Variants in ATP8A2 observed in about 807,000 individuals in gnomAD.
The protein encoded by ATP8A2 is ATPase phospholipid transporting 8A2, also known as phospholipid-transporting ATPase IB.
ATP8A2 carries 100 observed loss-of-function variants against 165.6 expected under a neutral mutation model. The ratio of observed to expected loss-of-function variants is 0.60; its 90% CI spans 0.51 to 0.71. The LOEUF is 0.71. Ranked by LOEUF, ATP8A2 falls within the 30% of genes least tolerant of loss-of-function variation. ATP8A2 has a pLI of 0.00. For missense variants in ATP8A2, 1,227 were observed against 1,479.5 expected, an observed-to-expected ratio of 0.83 and a Z score of 2.80; for synonymous variants, 543 against 548.8, an observed-to-expected ratio of 0.99 and a Z score of 0.15.
chr13:25,832,619 A>T (rs774218451), intron 28 of ATP8A2, among the ~76,000 whole-genome samples: 7 of 152,256 alleles, frequency 4.6e-5, no homozygotes, highest in Admixed American at 1.3e-4. Flanking sequence ...AGCAGATGCT[A>T]CAAAAACGTT....
intron 33 of ATP8A2, among the ~76,000 whole-genome samples, chr13:25,910,002 C>T (rs774159290): frequency 5.9e-5 from 9 of 152,092 alleles, no homozygotes; most frequent in African/African-American, 1.7e-4. Flanking sequence ...AATAATGCTC[C>T]GTCTTGTATT....
chr13:25,850,609 G>C (rs1481515183), intron 30 of ATP8A2, among the ~76,000 whole-genome samples: 1 of 152,152 alleles, frequency 6.6e-6, no homozygotes, highest in African/African-American at 2.4e-5. Context: ...CCGGTTTGGG[G>C]TTTTGTCCCC....
intron 25 of ATP8A2, among the ~76,000 whole-genome samples, chr13:25,767,929 C>A (rs759176006): frequency 3.3e-5 from 5 of 152,112 alleles, no homozygotes; most frequent in Non-Finnish European, 5.9e-5. Flanking sequence ...TAGAGACCAT[C>A]TAGGAGCTGT....
Position 25,721,457 on chromosome 13 carries a change from A to G in ATP8A2, c.2384+22112A>G, listed in dbSNP as rs772968714. Among the ~76,000 whole-genome samples the G allele has an allele frequency of 1.9e-4, 29 of 152,132 alleles. 1 individual carries two copies. Among genetic ancestry groups the G allele is most frequent in the Non-Finnish European group, 3.5e-4 (24 of 68,018 alleles). On this transcript the variant is annotated intron_variant, in intron 25 of 36. Transcript: ENST00000381655. Reference sequence around the variant, plus strand: ...ACCAGTGTCCTGAAGCATTTCCCCAATGTTTTCTTCCAGCAGTTTCACAGT... The same window carrying G: ...ACCAGTGTCCTGAAGCATTTCCCCAGTGTTTTCTTCCAGCAGTTTCACAGT...
At chr13:25,675,984 C>A (rs1381999136) in intron 24 of ATP8A2, among the ~76,000 whole-genome samples, 1 of 152,084 alleles carries the variant, frequency 6.6e-6, no homozygotes, top group Non-Finnish European at 1.5e-5. Context: ...CCCCAAATAT[C>A]CTGACTTGAT....
At chr13:25,811,166 A>G (rs974130892) in intron 27 of ATP8A2, among the ~76,000 whole-genome samples, 1 of 152,174 alleles carries the variant, frequency 6.6e-6, no homozygotes, top group Non-Finnish European at 1.5e-5. Context: ...TATATCAGCT[A>G]TACTGAGTGG....
chr13:25,937,873 AC>A (rs1954957997), intron 33 of ATP8A2, among the ~76,000 whole-genome samples: 2 of 137,664 alleles, frequency 1.5e-5, no homozygotes, highest in African/African-American at 5.3e-5. Context: ...AAAAAAAAAG[AC>A]CAAAGACATA....
chr13:25,883,526 T>A (rs2138862199), intron 33 of ATP8A2, among the ~76,000 whole-genome samples: 1 of 152,324 alleles, frequency 6.6e-6, no homozygotes, highest in South Asian at 2.1e-4. Flanking sequence ...GGGACTGGCA[T>A]GGAATAAGCC....
chr13:25,771,674 C>G (rs78230404), intron 26 of ATP8A2, among the ~76,000 whole-genome samples: 2 of 152,276 alleles, frequency 1.3e-5, no homozygotes, highest in East Asian at 3.9e-4. Flanking sequence ...GTCACTTCTG[C>G]CAAAGGAACT....
chr13:25,683,594 G>A (rs754127052), intron 24 of ATP8A2, among the ~76,000 whole-genome samples: 12 of 152,084 alleles, frequency 7.9e-5, no homozygotes, highest in Non-Finnish European at 1.3e-4. Flanking sequence ...GGTAGGAGCC[G>A]TGCGGAATTA....
At position 25,372,929 on chromosome 13, in the gene ATP8A2, A is replaced by G. The variant is rs2032478728; in HGVS notation, c.76+641A>G. ...CACACGTACACACGCACGCGTACACATACCCTGCCTGCAGGCGCCTGGGTG... is the reference window on the plus strand; with the variant it reads ...CACACGTACACACGCACGCGTACACGTACCCTGCCTGCAGGCGCCTGGGTG... On this transcript the variant is annotated intron_variant, in intron 1 of 36. Transcript: ENST00000381655. The surrounding 1 kb of genome is among the most constrained non-coding windows in gnomAD (Gnocchi z 4.8). 6.6e-6 allele frequency among the ~76,000 whole-genome samples: 1 copy of G among 152,122 alleles called. No individual in the cohort carries two copies. The highest frequency in any genetic ancestry group is 2.1e-4 in the South Asian group (1 of 4,802).
chr13:25,879,798 C>G (rs143055129), intron 33 of ATP8A2, among the ~76,000 whole-genome samples: 1 of 152,190 alleles, frequency 6.6e-6, no homozygotes, highest in Admixed American at 6.5e-5. Flanking sequence ...AGGAAAATGT[C>G]TTTTTCATTT....
chr13:25,756,466 G>A (rs1566108005), intron 25 of ATP8A2, among the ~76,000 whole-genome samples: 1 of 151,888 alleles, frequency 6.6e-6, no homozygotes, highest in South Asian at 2.1e-4. Context: ...TCCCACCCAC[G>A]GCCCAGTTGC....
intron 1 of ATP8A2, among the ~76,000 whole-genome samples, chr13:25,404,531 TG>T (rs1744293733): frequency 6.6e-6 from 1 of 151,284 alleles, no homozygotes; most frequent in African/African-American, 2.4e-5. Flanking sequence ...GAGGAATAAG[TG>T]GGGGAACACC....
chr13:25,922,171 T>C lies in ATP8A2; in HGVS notation c.3184-39404T>C, dbSNP rs111886005. ...CTTACCCTAAAATTCTGCAGGTGGG[T>C]CCATCATCCTAATCAGTAACACGCA... On this transcript the variant is annotated intron_variant, in intron 33 of 36. Coordinates refer to ENST00000381655, the MANE Select transcript of ATP8A2 (RefSeq NM_016529.6). Among the ~76,000 whole-genome samples, 1,393 of 152,302 alleles carry C rather than the reference T, an allele frequency of 9.1e-3. 22 individuals carry two copies. Among genetic ancestry groups the C allele is most frequent in the African/African-American group, 0.031 (1,303 of 41,552 alleles).
intron 1 of ATP8A2, among the ~76,000 whole-genome samples, chr13:25,399,944 C>G (rs1566105438): frequency 1.5e-4 from 1 of 6,804 alleles, no homozygotes; most frequent in East Asian, 0.023. Flanking sequence ...TTCTCTTTCT[C>G]CTTTTTCCTT....
chr13:25,642,727 GATTATAAATCCTGCTGCT>G (rs2041561758), intron 24 of ATP8A2, among the ~76,000 whole-genome samples: 1 of 152,172 alleles, frequency 6.6e-6, no homozygotes, highest in African/African-American at 2.4e-5. Context: ...ATACCCAAAG[GATTATAAATCCTGCTGCT>G]ATAAAGACAC....
Position 25,991,711 on chromosome 13 carries a change from A to G in ATP8A2, c.3378-20820A>G, listed in dbSNP as rs558429458. On this transcript the variant is annotated intron_variant, in intron 35 of 36. Transcript: ENST00000381655. ...TTACTGCTGAGTAATATTCCACCCA[A>G]TGCATGTACCACGCGTTGCTTGACC... 4.6e-5 allele frequency among the ~76,000 whole-genome samples: 7 copies of G among 152,276 alleles called. No homozygotes were observed. The South Asian group carries it at 1.5e-3, about 32-fold the overall frequency.
At chr13:25,664,980 T>TAA (rs2042121218) in intron 24 of ATP8A2, among the ~76,000 whole-genome samples, 2 of 150,900 alleles carry the variant, frequency 1.3e-5, no homozygotes, top group African/African-American at 4.9e-5. Context: ...GAAAATAACT[T>TAA]TCTGTGGCAT....
Sources: gnomAD v4.1 joint callset for allele counts (sites outside exome capture counted in the v4.1 genomes callset) on GRCh38, gnomAD v4.1.1 for gene constraint, Gnocchi (gnomAD v3.1) non-coding constraint, MANE v1.5 for transcripts, NCBI Gene and HGNC (gene_info 2026-07-23, HGNC 2026-07-21) for gene names.